The following NACA variants were observed in gnomAD, a reference collection of about 807,000 sequenced individuals.
NACA encodes nascent polypeptide-associated complex subunit alpha.
Under a neutral mutation model 86.4 loss-of-function variants are expected in NACA, and 42 were observed. That is an observed-to-expected ratio of 0.49 (90% CI 0.38 to 0.63). The LOEUF (loss-of-function observed/expected upper bound fraction) is 0.63, where lower values mean the gene tolerates loss of function less well. NACA is among the 20% of genes least tolerant of loss of function. The probability of loss-of-function intolerance (pLI) is 0.00; values close to 1 mark genes in which losing one functional copy is unlikely to be tolerated. For missense variants in NACA, 2,157 were observed against 2,483.6 expected, an observed-to-expected ratio of 0.87 and a Z score of 2.80; for synonymous variants, 898 against 973.7, an observed-to-expected ratio of 0.92 and a Z score of 1.45.
In NACA at chr12:56,717,206, A is replaced by G; in HGVS notation, c.4324T>C (p.Ser1442Pro). The G allele has an allele frequency of 7.8e-7, 1 of 1,277,456 alleles. No homozygotes were observed. Among genetic ancestry groups the G allele is most frequent in the Non-Finnish European group, 1.0e-6 (1 of 990,956 alleles). The allele number at this position is 1,277,456 out of a possible 1,614,324, so 79.1% of individuals were successfully genotyped here. A position where few individuals can be genotyped will look rare whatever the true frequency, so the allele number is the denominator to read the frequency against. Reference protein sequence around the residue: ...DLTPPAVTPVSLKKAPATSAP... With the variant: ...DLTPPAVTPVPLKKAPATSAP... ...GAAGTTGCTGGGGCCTTTTTGAGGG[A>G]GACAGGAGTCACTGCTGGGGGAGTG... The change falls in exon 3 of 9, where the codon TCC (serine) becomes CCC (proline). Residue 1442 changes from serine to proline, a missense_variant. This residue lies in a region of NACA where 797 missense variants were observed against 777.6 expected (regional missense o/e 1.02). Coordinates refer to ENST00000454682, the MANE Select transcript of NACA (RefSeq NM_001365896.1).
Position 56,720,713 on chromosome 12 carries a change from G to A in NACA, c.817C>T (p.Pro273Ser), listed in dbSNP as rs1262343980. ...TGAGTTGAAAGAGATAAGGCAGCAG[G>A]TGGACTAACAGGCCCCTTCAGGCTG... ...SLSLKGPVSP[P>S]AALSLSTQSL... The change falls in exon 3 of 9, where the codon CCT becomes TCT. Residue 273 changes from proline (P) to serine (S), a missense_variant. Coordinates refer to ENST00000454682, the MANE Select transcript of NACA (RefSeq NM_001365896.1). 5 of 1,613,960 alleles carry A rather than the reference G, an allele frequency of 3.1e-6. No homozygotes were observed. The highest frequency in any genetic ancestry group is 1.3e-5 in the African/African-American group (1 of 75,044).
Position 56,720,052 on chromosome 12 carries a change from G to A in NACA, c.1478C>T (p.Pro493Leu), listed in dbSNP as rs954817609. The change falls in exon 3 of 9, where the codon CCT becomes CTT. Residue 493 changes from proline to leucine, a missense_variant. By Grantham distance (98) the Pro-to-Leu change is moderately conservative. Coordinates refer to ENST00000454682, the MANE Select transcript of NACA (RefSeq NM_001365896.1). ...LVMAPVAPKEPSTQVATTLRI... is the reference protein window; with the variant it reads ...LVMAPVAPKELSTQVATTLRI... Reference sequence around the variant, plus strand: ...CAGAGTGGTTGCTACTTGAGTAGAAGGCTCTTTGGGAGCCACAGGTGCCAT... The same window carrying A: ...CAGAGTGGTTGCTACTTGAGTAGAAAGCTCTTTGGGAGCCACAGGTGCCAT... 1 of 1,613,884 alleles carries A rather than the reference G, an allele frequency of 6.2e-7. No homozygotes were observed. The highest frequency in any genetic ancestry group is 8.5e-7 in the Non-Finnish European group (1 of 1,179,864).
At position 56,716,218 on chromosome 12, in the gene NACA, G is replaced by T; in HGVS notation, c.5312C>A (p.Thr1771Asn). Reference protein sequence around the residue: ...PLAPPESKASTPLTAAAFEKV... With the variant: ...PLAPPESKASNPLTAAAFEKV... ...CTCAAAGGCAGCTGCTGTTAGAGGG[G>T]TGGACGCCTTAGACTCAGGAGGAGC... The change falls in exon 3 of 9, where the codon ACC becomes AAC. Residue 1771 changes from threonine (T) to asparagine (N), a missense_variant. Physicochemically the swap from Thr to Asn is moderately conservative, Grantham distance 65. Coordinates refer to ENST00000454682, the MANE Select transcript of NACA (RefSeq NM_001365896.1). The T allele has an allele frequency of 6.2e-7, 1 of 1,613,814 alleles. No homozygotes were observed. Among genetic ancestry groups the T allele is most frequent in the Non-Finnish European group, 8.5e-7 (1 of 1,179,886 alleles).
In NACA at chr12:56,716,035, A is replaced by G. The variant is rs1351000591; in HGVS notation, c.5495T>C (p.Leu1832Pro). ...GLVLESPSKPLAPADEDELLP... is the reference protein window; with the variant it reads ...GLVLESPSKPPAPADEDELLP... ...CAGCTCATCCTCATCAGCAGGGGCAAGGGGTTTAGAGGGTGATTCCAACAC... is the reference window on the plus strand; with the variant it reads ...CAGCTCATCCTCATCAGCAGGGGCAGGGGGTTTAGAGGGTGATTCCAACAC... The change falls in exon 3 of 9, where the codon CTT becomes CCT. Residue 1832 changes from leucine (L) to proline (P), a missense_variant. Physicochemically the swap from Leu to Pro is moderately conservative, Grantham distance 98 (BLOSUM62 -3). Around this residue, in one of 8 missense-constraint regions of NACA, gnomAD observed 797 missense variants for 777.6 expected, o/e 1.02. Coordinates refer to ENST00000454682, the MANE Select transcript of NACA (RefSeq NM_001365896.1). The G allele has an allele frequency of 3.7e-6, 6 of 1,606,730 alleles. No homozygotes were observed. Among genetic ancestry groups the G allele is most frequent in the Non-Finnish European group, 4.3e-6 (5 of 1,175,276 alleles).
Position 56,714,351 on chromosome 12 carries a change from T to A in NACA, c.5823+11A>T. The A allele has an allele frequency of 6.2e-7, 1 of 1,613,534 alleles. No homozygotes were observed. The highest frequency in any genetic ancestry group is 8.5e-7 in the Non-Finnish European group (1 of 1,179,424). ...GCTTCATAAGATCCTGAAATCCTTT[T>A]CAAATCTTACCTTCCGTGCCTTCTT... On this transcript the variant is annotated intron_variant, in intron 5 of 8. Transcript: ENST00000454682.
chr12:56,721,005 C>CA lies in NACA; in HGVS notation c.524dup (p.Ser176ValfsTer12), dbSNP rs1245517207. The stretch of plus-strand genomic sequence containing the variant: ...GTTCTGAGGGAGCAATGGGAGCTGA[C>CA]AGAGTTATCACTGACCCTGACTCAG... On this transcript the variant is annotated frameshift_variant, in exon 3 of 9. Coordinates refer to ENST00000454682, the MANE Select transcript of NACA (RefSeq NM_001365896.1). LOFTEE classifies it high-confidence loss of function. 1.2e-6 allele frequency: 2 copies of CA among 1,613,912 alleles called. No individual in the cohort carries two copies. Among genetic ancestry groups the CA allele is most frequent in the South Asian group, 1.1e-5 (1 of 91,080 alleles).
In NACA at chr12:56,718,924, G is replaced by A; in HGVS notation, c.2606C>T (p.Ala869Val). 2 of 1,441,390 alleles carry A rather than the reference G, an allele frequency of 1.4e-6. No individual in the cohort carries two copies. Among genetic ancestry groups the A allele is most frequent in the Non-Finnish European group, 1.9e-6 (2 of 1,068,484 alleles). The allele number at this position is 1,441,390 out of a possible 1,614,324, so 89.3% of individuals were successfully genotyped here. Residue 869 changes from alanine (A) to valine (V), a missense_variant, in exon 3 of 9, where the codon GCT becomes GTT. Coordinates refer to ENST00000454682, the MANE Select transcript of NACA (RefSeq NM_001365896.1). ...TCCTTTGGGAGACAGAGGAGTCACA[G>A]CTGAGGGAGTAGGGGCCCCTTTGGG... is the stretch of plus-strand genomic sequence containing the variant. ...PSPKGAPTPS[A>V]VTPLSPKGVT...
At chr12:56,712,650 C>G (rs1166763688) in intron 8 of NACA, 98 bp from the exon 9 acceptor site, 4 of 1,595,924 alleles carry the variant, frequency 2.5e-6, no homozygotes, top group Middle Eastern at 1.7e-4. Context: ...ATTTAGGCCA[C>G]TAAAACCTAT....
chr12:56,716,220 G>A lies in NACA; in HGVS notation c.5310C>T (p.Ser1770=). Residue 1770 remains serine, a synonymous_variant, in exon 3 of 9, where the codon TCC becomes TCT. Transcript: ENST00000454682. ...CAAAGGCAGCTGCTGTTAGAGGGGTGGACGCCTTAGACTCAGGAGGAGCCA... is the reference window on the plus strand; with the variant it reads ...CAAAGGCAGCTGCTGTTAGAGGGGTAGACGCCTTAGACTCAGGAGGAGCCA... ...GPLAPPESKA[S]TPLTAAAFEK... 6.2e-7 allele frequency: 1 copy of A among 1,613,778 alleles called. No individual in the cohort carries two copies. The highest frequency in any genetic ancestry group is 8.5e-7 in the Non-Finnish European group (1 of 1,179,890).
In NACA at chr12:56,716,007, C is replaced by CGGGGG; in HGVS notation, c.5522_5523insCCCCC (p.Leu1843ArgfsTer3). 1 of 1,596,356 alleles carries CGGGGG rather than the reference C, an allele frequency of 6.3e-7. No individual in the cohort carries two copies. Among genetic ancestry groups the CGGGGG allele is most frequent in the South Asian group, 1.1e-5 (1 of 88,760 alleles). ...AGATTGGTTCCGGGGGAATCAGAGG[C>CGGGGG]AGCAGCTCATCCTCATCAGCAGGGG... On this transcript the variant is annotated frameshift_variant, in exon 3 of 9. Coordinates refer to ENST00000454682, the MANE Select transcript of NACA (RefSeq NM_001365896.1). LOFTEE classifies it high-confidence loss of function.
Position 56,717,268 on chromosome 12 carries a change from G to T in NACA, c.4262C>A (p.Thr1421Asn). Residue 1421 changes from threonine (T) to asparagine (N), a missense_variant, in exon 3 of 9, where the codon ACC (threonine) becomes AAC (asparagine). Thr to Asn is a moderately conservative substitution (Grantham distance 65). This residue lies in a region of NACA where 797 missense variants were observed against 777.6 expected (regional missense o/e 1.02). Transcript: ENST00000454682. ...SPKKAPATPV[T>N]REGAATPSKG... ...GGATGGGGTGGCTGCGCCTTCTCTG[G>T]TGACTGGAGTTGCTGGAGCCTTTTT... The T allele has an allele frequency of 3.0e-6, 4 of 1,339,008 alleles. No individual in the cohort carries two copies. The South Asian group carries it at 5.6e-5, about 19-fold the overall frequency. 82.9% of individuals were successfully genotyped at this position (1,339,008 alleles called of 1,614,324 possible). A position where few individuals can be genotyped will look rare whatever the true frequency, so the allele number is the denominator to read the frequency against.
In NACA at chr12:56,719,182, G is replaced by A; in HGVS notation, c.2348C>T (p.Ser783Phe). Residue 783 changes from serine (S) to phenylalanine (F), a missense_variant, in exon 3 of 9, where the codon TCC becomes TTC. Physicochemically the swap from Ser to Phe is radical, Grantham distance 155. Transcript: ENST00000454682. The stretch of plus-strand genomic sequence containing the variant: ...AGCTAGGTAAGTCAGAGTTCCTTTG[G>A]AAGATGCAGTAGCAGAAGCACCAGA... ...EDSGASATAS[S>F]KGTLTYLADS... 6.8e-7 allele frequency: 1 copy of A among 1,474,216 alleles called. No individual in the cohort carries two copies. The highest frequency in any genetic ancestry group is 9.2e-7 in the Non-Finnish European group (1 of 1,089,808). The allele number at this position is 1,474,216 out of a possible 1,614,324, so 91.3% of individuals were successfully genotyped here.
At chr12:56,713,288 C>G in intron 6 of NACA, 98 bp from the exon 7 acceptor site, 1 of 1,454,240 alleles carries the variant, frequency 6.9e-7, no homozygotes, top group Non-Finnish European at 9.4e-7. Flanking sequence ...ATTCAGGTAA[C>G]TTATTGTACA....
chr12:56,715,654 C>T (rs1261661367), intron 3 of NACA, among the ~76,000 whole-genome samples: 2 of 152,050 alleles, frequency 1.3e-5, no homozygotes, highest in African/African-American at 4.8e-5. Context: ...AAATGATACA[C>T]AATGTACTAT....
chr12:56,720,355 G>T lies in NACA; in HGVS notation c.1175C>A (p.Thr392Asn). 1.9e-6 allele frequency: 3 copies of T among 1,613,954 alleles called. No homozygotes were observed. Among genetic ancestry groups the T allele is most frequent in the Non-Finnish European group, 2.5e-6 (3 of 1,179,872 alleles). The change falls in exon 3 of 9, where the codon ACC becomes AAC. Residue 392 changes from threonine (T) to asparagine (N), a missense_variant. This residue lies in a region of NACA where 947 missense variants were observed against 917.9 expected (regional missense o/e 1.03). Transcript: ENST00000454682. ...ATTTAAGGAGCCAGAAGGGCTGCAG[G>T]TTATGCTAGAGATGGTAGAGGGACC... is the stretch of plus-strand genomic sequence containing the variant. ...DKGPSTISSI[T>N]CSPSGSLNVA...
intron 2 of NACA, among the ~76,000 whole-genome samples, chr12:56,723,690 G>A (rs1953633846): frequency 6.6e-6 from 1 of 152,122 alleles, no homozygotes; most frequent in Admixed American, 6.6e-5. Flanking sequence ...AAAAAGGTGA[G>A]AATGAAAATT....
intron 3 of NACA, 58 bp from the exon 4 acceptor site, chr12:56,714,745 C>T (rs1353203862): frequency 4.0e-6 from 6 of 1,491,770 alleles, no homozygotes; most frequent in Non-Finnish European, 4.7e-6. Flanking sequence ...GAAGGTACTT[C>T]ACCACAGCCT....
At chr12:56,724,186 G>A (rs1267298077) in intron 2 of NACA, among the ~76,000 whole-genome samples, 1 of 152,152 alleles carries the variant, frequency 6.6e-6, no homozygotes, top group East Asian at 1.9e-4. Flanking sequence ...GTGAGGTGGG[G>A]GTTCCACAGG....
At chr12:56,721,588 C>T (rs894082166) in intron 2 of NACA, 129 bp from the exon 3 acceptor site, 17 of 576,408 alleles carry the variant, frequency 2.9e-5, no homozygotes, top group Non-Finnish European at 5.0e-5. Context: ...GTCTAAGTCA[C>T]CACGCAGGAT....
Sources: gnomAD v4.1 joint callset for allele counts (sites outside exome capture counted in the v4.1 genomes callset) on GRCh38, gnomAD v4.1.1 for gene constraint, gnomAD v4.1.1 regional missense constraint, MANE v1.5 for transcripts, NCBI Gene and HGNC (gene_info 2026-07-23, HGNC 2026-07-21) for gene names.